Variants in NUDT3 observed in about 807,000 individuals in gnomAD.
NUDT3 encodes diphosphoinositol polyphosphate phosphohydrolase 1.
A neutral mutation model predicts 23.6 loss-of-function variants in NUDT3; 9 were observed. The observed-to-expected ratio is 0.38, with a 90% confidence interval of 0.23 to 0.66. NUDT3 has a LOEUF of 0.66. NUDT3 is among the 30% of genes least tolerant of loss of function. The probability of loss-of-function intolerance (pLI) is 0.52; values close to 1 mark genes in which losing one functional copy is unlikely to be tolerated. For synonymous variants in NUDT3, 86 were observed against 82.6 expected (o/e 1.04, Z -0.22); for missense variants, 172 against 218.5 (o/e 0.79, Z 1.34).
At chr6:34,293,321 C>T (rs1251591339) in intron 4 of NUDT3, 130 bp downstream of exon 4, 2 of 1,088,280 alleles carry the variant, frequency 1.8e-6, no homozygotes, top group East Asian at 2.4e-5. Flanking sequence ...GTTGGCCTTC[C>T]AAAGTACTGG....
At chr6:34,353,647 G>T (rs572867920) in intron 1 of NUDT3, among the ~76,000 whole-genome samples, 1 of 151,656 alleles carries the variant, frequency 6.6e-6, no homozygotes, top group African/African-American at 2.4e-5. Context: ...CAAGTGATCC[G>T]CCTGCCTTGG....
chr6:34,338,286 C>T (rs1330765293), intron 2 of NUDT3, among the ~76,000 whole-genome samples: 1 of 152,176 alleles, frequency 6.6e-6, no homozygotes, highest in Non-Finnish European at 1.5e-5. Context: ...CCTACTGCAT[C>T]CCCAAAGTCC....
In NUDT3 at chr6:34,288,885, C is replaced by A; in HGVS notation, c.387G>T (p.Leu129=). The change falls in exon 5 of 5, where the codon CTG becomes CTT. Residue 129 remains leucine (L), a synonymous_variant. Transcript: ENST00000607016. ...WFKIEDAIKV[L]QYHKPVQASY... is the part of the protein sequence containing the mutation. The stretch of plus-strand genomic sequence containing the variant: ...ATGCCTGCACGGGTTTGTGATACTG[C>A]AGCACTTTTATGGCGTCTTCTATTT... The A allele has an allele frequency of 6.2e-7, 1 of 1,613,792 alleles. No homozygotes were observed. Among genetic ancestry groups the A allele is most frequent in the Non-Finnish European group, 8.5e-7 (1 of 1,179,912 alleles).
intron 4 of NUDT3, among the ~76,000 whole-genome samples, chr6:34,290,287 C>A (rs1195175454): frequency 2.7e-5 from 4 of 149,722 alleles, no homozygotes; most frequent in African/African-American, 9.8e-5. Flanking sequence ...GGCTGGATTG[C>A]AGTGGTATGA....
At chr6:34,327,400 C>T (rs563474416) in intron 2 of NUDT3, among the ~76,000 whole-genome samples, 2 of 151,726 alleles carry the variant, frequency 1.3e-5, no homozygotes, top group African/African-American at 2.4e-5. Context: ...CATGGTAGTG[C>T]GCACCTGTAT....
intron 1 of NUDT3, among the ~76,000 whole-genome samples, chr6:34,353,087 C>T (rs528284860): frequency 1.3e-5 from 2 of 152,134 alleles, no homozygotes; most frequent in Non-Finnish European, 2.9e-5. Flanking sequence ...CCAAGAGGCA[C>T]TTCTTGTGAA....
At chr6:34,332,877 A>C (rs910374732) in intron 2 of NUDT3, among the ~76,000 whole-genome samples, 3 of 152,234 alleles carry the variant, frequency 2.0e-5, no homozygotes, top group Non-Finnish European at 4.4e-5. Flanking sequence ...TGGGAATGTA[A>C]GACGAAGAGA....
chr6:34,355,696 G>T (rs953485197), intron 1 of NUDT3, among the ~76,000 whole-genome samples: 6 of 99,956 alleles, frequency 6.0e-5, no homozygotes, highest in African/African-American at 8.0e-5. Flanking sequence ...TTTTGGGGGG[G>T]TGGGGGGTGG....
intron 1 of NUDT3, among the ~76,000 whole-genome samples, chr6:34,385,720 G>A (rs1248484179): frequency 6.8e-6 from 1 of 147,244 alleles, no homozygotes; most frequent in East Asian, 2.0e-4. Flanking sequence ...CTCTTACTCT[G>A]TCACCTAGGC....
intron 1 of NUDT3, among the ~76,000 whole-genome samples, chr6:34,374,156 CAAAAAAAA>C (rs397888346): frequency 4.8e-4 from 31 of 64,716 alleles, no homozygotes; most frequent in African/African-American, 1.3e-3. Context: ...GGCTCCCTCT[CAAAAAAAA>C]AAAAAAAAAA....
rs1765192855 is a variant in NUDT3, at chr6:34,391,167, A to T, written c.99+1097T>A. Among the ~76,000 whole-genome samples the T allele has an allele frequency of 2.6e-5, 4 of 152,182 alleles. No individual in the cohort carries two copies. In the South Asian group the frequency reaches 8.3e-4, roughly 32 times the overall value. ...TGGCAATCCATCTGTCTCTTTCGCCACAGCTTCTTTTCATAACTAACGGGT... is the reference window on the plus strand; with the variant it reads ...TGGCAATCCATCTGTCTCTTTCGCCTCAGCTTCTTTTCATAACTAACGGGT... On this transcript the variant is annotated intron_variant, in intron 1 of 4. Coordinates refer to ENST00000607016, the MANE Select transcript of NUDT3 (RefSeq NM_006703.4).
intron 1 of NUDT3, among the ~76,000 whole-genome samples, chr6:34,380,480 A>G (rs1479020404): frequency 6.6e-6 from 1 of 152,038 alleles, no homozygotes; most frequent in East Asian, 1.9e-4. Flanking sequence ...AGCCTCCCAA[A>G]TAGGTGAGAT....
At chr6:34,295,595 G>A (rs1421223533) in intron 3 of NUDT3, 46 bp downstream of exon 3, 2 of 1,582,090 alleles carry the variant, frequency 1.3e-6, no homozygotes, top group African/African-American at 2.7e-5. Context: ...ATATCTGTGT[G>A]GTTATTAATA....
In NUDT3 at chr6:34,371,442, G is replaced by C. The variant is rs559552606; in HGVS notation, c.99+20822C>G. ...GATTGCACCACTGCACTCCAGCCTG[G>C]CAACACAGCAAGACTCTGTCTCAAA... On this transcript the variant is annotated intron_variant, in intron 1 of 4. Transcript: ENST00000607016. Among the ~76,000 whole-genome samples the C allele has an allele frequency of 2.0e-5, 3 of 151,980 alleles. No individual in the cohort carries two copies. The East Asian group carries it at 5.8e-4, about 29-fold the overall frequency.
chr6:34,321,256 A>C (rs1763937582), intron 2 of NUDT3, among the ~76,000 whole-genome samples: 1 of 152,016 alleles, frequency 6.6e-6, no homozygotes, highest in Admixed American at 6.6e-5. Context: ...TGGGCAACAC[A>C]GTGAAACCCC....
intron 2 of NUDT3, among the ~76,000 whole-genome samples, chr6:34,305,149 A>G (rs1763661170): frequency 6.7e-6 from 1 of 150,078 alleles, no homozygotes; most frequent in South Asian, 2.1e-4. Context: ...TGCCTGGCTA[A>G]TTTTTTAATT....
intron 1 of NUDT3, among the ~76,000 whole-genome samples, chr6:34,385,751 T>C (rs1224939550): frequency 1.3e-5 from 2 of 151,868 alleles, no homozygotes; most frequent in Non-Finnish European, 2.9e-5. Flanking sequence ...TGGCGTGCTG[T>C]TGGCTCACTG....
intron 1 of NUDT3, among the ~76,000 whole-genome samples, chr6:34,371,305 T>C (rs972237503): frequency 1.3e-5 from 2 of 150,456 alleles, no homozygotes; most frequent in African/African-American, 4.9e-5. Context: ...TCGTCTCCAC[T>C]GAAAATAAAA....
intron 2 of NUDT3, among the ~76,000 whole-genome samples, chr6:34,329,481 A>G (rs1455382638): frequency 2.0e-5 from 3 of 152,048 alleles, no homozygotes; most frequent in Non-Finnish European, 4.4e-5. Flanking sequence ...GGGTTTCACC[A>G]TGTTGGCCAG....
Sources: gnomAD v4.1 joint callset for allele counts (sites outside exome capture counted in the v4.1 genomes callset) on GRCh38, gnomAD v4.1.1 for gene constraint, MANE v1.5 for transcripts, NCBI Gene and HGNC (gene_info 2026-07-23, HGNC 2026-07-21) for gene names.